Variants in SGSM1 observed in about 807,000 individuals in gnomAD.
The protein encoded by SGSM1 is RUN and TBC1 domain containing 2.
SGSM1 carries 73 observed loss-of-function variants against 133.8 expected under a neutral mutation model. The observed-to-expected ratio is 0.55, with a 90% confidence interval of 0.45 to 0.66. The LOEUF (loss-of-function observed/expected upper bound fraction) is 0.66. Ranked by LOEUF, SGSM1 falls within the 30% of genes least tolerant of loss-of-function variation. The pLI is 0.00. For missense variants in SGSM1, 1,213 were observed against 1,448.1 expected (o/e 0.84, Z 2.64); for synonymous variants, 563 against 573.0 (o/e 0.98, Z 0.25).
At chr22:24,923,048 G>T (rs952506639) in intron 24 of SGSM1, among the ~76,000 whole-genome samples, 5 of 152,106 alleles carry the variant, frequency 3.3e-5, no homozygotes, top group Admixed American at 6.6e-5. Flanking sequence ...GGAGGCATGA[G>T]AATCACTTGA....
At chr22:24,903,981 G>GAAAAAAAAAAAAAAGGAAAAAAAAA (rs1933266115) in intron 20 of SGSM1, among the ~76,000 whole-genome samples, 1 of 61,818 alleles carries the variant, frequency 1.6e-5, no homozygotes, top group Non-Finnish European at 4.1e-5. Context: ...TCAACAAAAA[G>GAAAAAAAAAAAAAAGGAAAAAAAAA]AAAAAAAAAA....
Position 24,924,491 on chromosome 22 carries a change from C to G in SGSM1, c.*217C>G. 1.8e-6 allele frequency: 1 copy of G among 548,010 alleles called. No individual in the cohort carries two copies. The highest frequency in any genetic ancestry group is 3.3e-6 in the Non-Finnish European group (1 of 306,206). The allele number at this position is 548,010 out of a possible 1,614,324, so 33.9% of individuals were successfully genotyped here. ...TTCAGCCTTACATTTTCCTGTTTGA[C>G]CAAAGATTGCCCAAGTCTGGCGTTC... On this transcript the variant is annotated 3_prime_UTR_variant, in exon 25 of 25. Coordinates refer to ENST00000400358, the MANE Select transcript of SGSM1 (RefSeq NM_001098497.3).
At chr22:24,916,106 G>A (rs1416020512) in intron 22 of SGSM1, among the ~76,000 whole-genome samples, 3 of 151,954 alleles carry the variant, frequency 2.0e-5, no homozygotes, top group Admixed American at 1.3e-4. Context: ...CTTTTGAAGT[G>A]TACGATTCAG....
At chr22:24,841,842 A>G (rs1206204967) in intron 2 of SGSM1, among the ~76,000 whole-genome samples, 1 of 152,310 alleles carries the variant, frequency 6.6e-6, no homozygotes, top group Middle Eastern at 3.4e-3. Flanking sequence ...GCTTACTGCA[A>G]CCTCTGCCTC....
rs1268662916 is a variant in SGSM1 at position 24,855,076 on chromosome 22, G to C, written c.523+13G>C. On this transcript the variant is annotated intron_variant, in intron 6 of 24. Coordinates refer to ENST00000400358, the MANE Select transcript of SGSM1 (RefSeq NM_001098497.3). ...GCATCTTTGTTGGGTAAGTTGTCCT[G>C]TGTGCTGAGCTTCATCTAGACCCGT... 4.3e-6 allele frequency: 7 copies of C among 1,611,636 alleles called. No individual in the cohort carries two copies.
intron 17 of SGSM1, among the ~76,000 whole-genome samples, chr22:24,894,048 G>A (rs1267731639): frequency 6.6e-6 from 1 of 152,208 alleles, no homozygotes; most frequent in African/African-American, 2.4e-5. Context: ...AGACAGACTG[G>A]TCTGTCCTCC....
chr22:24,831,647 CT>C (rs1160081463), intron 2 of SGSM1, among the ~76,000 whole-genome samples: 1 of 152,182 alleles, frequency 6.6e-6, no homozygotes, highest in Non-Finnish European at 1.5e-5. Context: ...CCCATGGCCC[CT>C]GTACCCCAAA....
chr22:24,859,056 C>T lies in SGSM1; in HGVS notation c.802-660C>T, dbSNP rs960635573. On this transcript the variant is annotated intron_variant, in intron 8 of 24. Coordinates refer to ENST00000400358, the MANE Select transcript of SGSM1 (RefSeq NM_001098497.3). ...TGCTCCTCCCTTGGGGTTATAGGTGCGTGTGGTTAAATCAAGACAGTGCGT... is the reference window on the plus strand; with the variant it reads ...TGCTCCTCCCTTGGGGTTATAGGTGTGTGTGGTTAAATCAAGACAGTGCGT... 3.9e-5 allele frequency among the ~76,000 whole-genome samples: 6 copies of T among 152,244 alleles called. No homozygotes were observed. In the East Asian group the frequency reaches 7.7e-4, roughly 20 times the overall value.
intron 2 of SGSM1, among the ~76,000 whole-genome samples, chr22:24,815,547 C>G (rs572317864): frequency 6.6e-6 from 1 of 152,232 alleles, no homozygotes; most frequent in South Asian, 2.1e-4. Flanking sequence ...TCAGGACCAT[C>G]CTGGATAACA....
chr22:24,860,673 C>T (rs909651822), intron 9 of SGSM1, among the ~76,000 whole-genome samples: 7 of 151,372 alleles, frequency 4.6e-5, no homozygotes, highest in African/African-American at 7.3e-5. Flanking sequence ...GAGGCTGAGG[C>T]GGGTGGATCA....
intron 14 of SGSM1, among the ~76,000 whole-genome samples, chr22:24,882,753 A>ATTTGTGATATT (rs1932402597): frequency 6.6e-6 from 1 of 152,048 alleles, no homozygotes; most frequent in South Asian, 2.1e-4. Flanking sequence ...AAGTAAGAAC[A>ATTTGTGATATT]TGTGATATTT....
At chr22:24,822,666 G>C (rs987827428) in intron 2 of SGSM1, among the ~76,000 whole-genome samples, 19 of 152,218 alleles carry the variant, frequency 1.2e-4, no homozygotes, top group African/African-American at 4.6e-4. Flanking sequence ...CAGAGGTGGA[G>C]CTGGCAGGTG....
rs141040600 is a variant in SGSM1 at position 24,895,668 on chromosome 22, T to C, written c.2022+377T>C. Among the ~76,000 whole-genome samples the C allele has an allele frequency of 2.0e-3, 308 of 152,312 alleles. 4 individuals are homozygous for C. The highest frequency in any genetic ancestry group is 6.7e-3 in the African/African-American group (277 of 41,568). ...GTTTGGTAGTTGTTTTTTAAATGTG[T>C]ACATAAATGCCATCATATATGTTGT... is the stretch of plus-strand genomic sequence containing the variant. On this transcript the variant is annotated intron_variant, in intron 18 of 24. Transcript: ENST00000400358.
intron 12 of SGSM1, chr22:24,874,271 A>G: frequency 1.2e-6 from 1 of 818,308 alleles, no homozygotes; most frequent in East Asian, 2.8e-5. Context: ...CTTTCTTCTA[A>G]TTGAACACAG....
chr22:24,839,892 G>C (rs2147824389), intron 2 of SGSM1, among the ~76,000 whole-genome samples: 1 of 146,840 alleles, frequency 6.8e-6, no homozygotes, highest in African/African-American at 2.5e-5. Context: ...TCTTGCTAAT[G>C]GTTTGTCAGT....
At chr22:24,856,926 G>A (rs1426500177) in intron 8 of SGSM1, among the ~76,000 whole-genome samples, 1 of 151,434 alleles carries the variant, frequency 6.6e-6, no homozygotes, top group Non-Finnish European at 1.5e-5. Context: ...CCGCCACCAC[G>A]CCCAGCTAAT....
Position 24,868,815 on chromosome 22 carries a change from T to C in SGSM1, c.1251T>C (p.Tyr417=), listed in dbSNP as rs774848141. 3.7e-6 allele frequency: 6 copies of C among 1,614,004 alleles called. No homozygotes were observed. Among genetic ancestry groups the C allele is most frequent in the Non-Finnish European group, 5.1e-6 (6 of 1,179,904 alleles). The change falls in exon 12 of 25, where the codon TAT becomes TAC. Residue 417 remains tyrosine, a synonymous_variant. Coordinates refer to ENST00000400358, the MANE Select transcript of SGSM1 (RefSeq NM_001098497.3). ...SDKDDDEATD[Y]VFRIIYPGMQ... is the part of the protein sequence containing the mutation. ...AAGATGATGATGAGGCCACGGATTATGTGTTCAGGATCATCTACCCTGGCA... is the reference window on the plus strand; with the variant it reads ...AAGATGATGATGAGGCCACGGATTACGTGTTCAGGATCATCTACCCTGGCA...
At chr22:24,885,683 A>G (rs961581888) in intron 15 of SGSM1, among the ~76,000 whole-genome samples, 13 of 152,146 alleles carry the variant, frequency 8.5e-5, no homozygotes, top group Middle Eastern at 6.8e-3. Context: ...CGGTCTCCCA[A>G]AGTGCTGGGA....
At chr22:24,845,510 A>G (rs1403458510) in intron 3 of SGSM1, among the ~76,000 whole-genome samples, 1 of 152,144 alleles carries the variant, frequency 6.6e-6, no homozygotes, top group African/African-American at 2.4e-5. Context: ...ATGGCTAGAG[A>G]TGGGGTCTGA....
Sources: allele counts gnomAD v4.1 joint callset (sites outside exome capture counted in the v4.1 genomes callset), GRCh38; gene constraint gnomAD v4.1.1; transcripts MANE v1.5; gene names NCBI Gene and HGNC (gene_info 2026-07-23, HGNC 2026-07-21).